The following MITF variants were observed in gnomAD, a reference collection of about 807,000 sequenced individuals.
The protein encoded by MITF is melanocyte inducing transcription factor, also known as microphthalmia-associated transcription factor.
In MITF, 17 loss-of-function variants were observed where a neutral mutation model predicts 60.5. That is an observed-to-expected ratio of 0.28 (90% CI 0.19 to 0.42). The LOEUF is 0.42. Among genes scored for constraint, MITF ranks in the 10% least tolerant of loss-of-function variants. MITF has a pLI of 1.00. For missense variants in MITF, 622 were observed against 683.5 expected (o/e 0.91, Z 1.00); for synonymous variants, 260 against 248.5 (o/e 1.05, Z -0.43).
At chr3:69,861,023 C>A (rs189122245) in intron 1 of MITF, among the ~76,000 whole-genome samples, 155 of 152,294 alleles carry the variant, frequency 1.0e-3, no homozygotes, top group African/African-American at 3.7e-3. Flanking sequence ...TTCAGTCATG[C>A]TGTGATGGTT....
rs2066725903 is a variant in MITF, at chr3:69,967,781, G to A, written c.*2533G>A. The A allele has an allele frequency of 4.3e-6, 1 of 232,950 alleles. No homozygotes were observed. Among genetic ancestry groups the A allele is most frequent in the African/African-American group, 2.2e-5 (1 of 45,318 alleles). 14.4% of individuals were successfully genotyped at this position (232,950 alleles called of 1,614,324 possible). Reference sequence around the variant, plus strand: ...GGGCTAGCTAAGCCAAGAGGCAGTGGTTTGGGCTTGTTGTTTGTAACAAGA... The same window carrying A: ...GGGCTAGCTAAGCCAAGAGGCAGTGATTTGGGCTTGTTGTTTGTAACAAGA... On this transcript the variant is annotated 3_prime_UTR_variant, in exon 10 of 10. Transcript: ENST00000352241.
chr3:69,947,808 T>C (rs2066137684), intron 5 of MITF, among the ~76,000 whole-genome samples: 1 of 152,114 alleles, frequency 6.6e-6, no homozygotes, highest in South Asian at 2.1e-4. Context: ...TAGCTAGGGG[T>C]TTAATTCATA....
chr3:69,782,410 C>T (rs562065003), intron 1 of MITF, among the ~76,000 whole-genome samples: 6 of 152,254 alleles, frequency 3.9e-5, no homozygotes, highest in Non-Finnish European at 5.9e-5. Context: ...TATGTGCTAG[C>T]GACTCTGCAT....
At chr3:69,859,637 C>T (rs1326642154) in intron 1 of MITF, among the ~76,000 whole-genome samples, 1 of 151,902 alleles carries the variant, frequency 6.6e-6, no homozygotes, top group Non-Finnish European at 1.5e-5. Flanking sequence ...ATTATAATAC[C>T]TTGACTCCTG....
chr3:69,875,247 G>A (rs961363845), intron 1 of MITF, among the ~76,000 whole-genome samples: 1 of 152,150 alleles, frequency 6.6e-6, no homozygotes, highest in African/African-American at 2.4e-5. Flanking sequence ...TGGCTTCAGT[G>A]ATGCCGATAC....
chr3:69,818,766 A>C (rs1331943728), intron 1 of MITF, among the ~76,000 whole-genome samples: 3 of 152,222 alleles, frequency 2.0e-5, no homozygotes, highest in Non-Finnish European at 4.4e-5. Context: ...GAATATTTTA[A>C]TGAACATTTT....
intron 2 of MITF, among the ~76,000 whole-genome samples, chr3:69,922,129 C>T (rs1003921885): frequency 6.6e-6 from 1 of 152,276 alleles, no homozygotes; most frequent in Non-Finnish European, 1.5e-5. Flanking sequence ...GTTGTAAGCC[C>T]CTTGATGATA....
At chr3:69,822,058 T>G (rs943144493) in intron 1 of MITF, among the ~76,000 whole-genome samples, 6 of 152,216 alleles carry the variant, frequency 3.9e-5, no homozygotes, top group African/African-American at 1.4e-4. Flanking sequence ...TGGATTTTCT[T>G]GATAGTCTCT....
intron 1 of MITF, among the ~76,000 whole-genome samples, chr3:69,832,415 G>A (rs1220584920): frequency 6.6e-6 from 1 of 152,192 alleles, no homozygotes; most frequent in African/African-American, 2.4e-5. Flanking sequence ...TCTACTATGT[G>A]TTAGACCTTG....
intron 1 of MITF, among the ~76,000 whole-genome samples, chr3:69,870,466 C>T (rs1478537821): frequency 1.5e-4 from 22 of 144,926 alleles, no homozygotes; most frequent in Non-Finnish European, 2.8e-4. Flanking sequence ...GACGGAATCT[C>T]GCTCTGTCAC....
chr3:69,826,365 T>G (rs2063354486), intron 1 of MITF, among the ~76,000 whole-genome samples: 1 of 152,222 alleles, frequency 6.6e-6, no homozygotes, highest in African/African-American at 2.4e-5. Context: ...GGAAATTGAT[T>G]CTTCCTCATT....
At chr3:69,836,439 G>A (rs947689011) in intron 1 of MITF, among the ~76,000 whole-genome samples, 1 of 152,182 alleles carries the variant, frequency 6.6e-6, no homozygotes, top group Admixed American at 6.5e-5. Flanking sequence ...TTAACCAGAT[G>A]TCTGGTAGGT....
chr3:69,936,901 G>A lies in MITF; in HGVS notation c.355-921G>A. 4 of 634,018 alleles carry A rather than the reference G, an allele frequency of 6.3e-6. No individual in the cohort carries two copies. In the South Asian group the frequency reaches 6.6e-5, roughly 10 times the overall value. The allele number at this position is 634,018 out of a possible 1,614,324, so 39.3% of individuals were successfully genotyped here. A position where few individuals can be genotyped will look rare whatever the true frequency, so the allele number is the denominator to read the frequency against. ...TGCTGTTTATTATTTGATGCCATAA[G>A]AAGTAATTCAATGTAGTTTTGAACA... On this transcript the variant is annotated intron_variant, in intron 2 of 9. Coordinates refer to ENST00000352241, the MANE Select transcript of MITF (RefSeq NM_001354604.2).
Position 69,780,563 on chromosome 3 carries a change from G to A in MITF, c.104+40862G>A, listed in dbSNP as rs894675660. Among the ~76,000 whole-genome samples the A allele has an allele frequency of 3.3e-5, 5 of 152,084 alleles. 1 individual carries two copies. Among genetic ancestry groups the A allele is most frequent in the African/African-American group, 7.2e-5 (3 of 41,410 alleles). The stretch of plus-strand genomic sequence containing the variant: ...GGGAGCAGTTTTCCTGGTCTAGCTT[G>A]GGGTCTCTCATGGAATTGCCATTAG... On this transcript the variant is annotated intron_variant, in intron 1 of 9. Coordinates refer to ENST00000352241, the MANE Select transcript of MITF (RefSeq NM_001354604.2).
intron 2 of MITF, among the ~76,000 whole-genome samples, chr3:69,884,206 C>T (rs547697194): frequency 3.3e-5 from 5 of 152,206 alleles, no homozygotes; most frequent in South Asian, 2.1e-4. Flanking sequence ...TGCCTACCAC[C>T]GCCTCCCTTC....
chr3:69,745,846 C>T (rs1559605249), intron 1 of MITF, among the ~76,000 whole-genome samples: 1 of 152,116 alleles, frequency 6.6e-6, no homozygotes, highest in African/African-American at 2.4e-5. Context: ...TAGAACCCAC[C>T]CCCTTAGGGT....
chr3:69,877,222 T>C (rs1232974020), intron 1 of MITF, among the ~76,000 whole-genome samples: 1 of 152,186 alleles, frequency 6.6e-6, no homozygotes, highest in Admixed American at 6.5e-5. Context: ...ATGGGACAAA[T>C]TTTTTATTAT....
intron 1 of MITF, among the ~76,000 whole-genome samples, chr3:69,783,437 ATG>A (rs1348168540): frequency 6.6e-6 from 1 of 151,124 alleles, no homozygotes. Context: ...AAGTGTTTGT[ATG>A]TGTGTGTGTG....
At chr3:69,793,149 A>G (rs2062769768) in intron 1 of MITF, among the ~76,000 whole-genome samples, 1 of 151,500 alleles carries the variant, frequency 6.6e-6, no homozygotes, top group Non-Finnish European at 1.5e-5. Flanking sequence ...GAGTAGCTGG[A>G]ACTATAGGCG....
Sources: gnomAD v4.1 joint callset for allele counts (sites outside exome capture counted in the v4.1 genomes callset) on GRCh38, gnomAD v4.1.1 for gene constraint, MANE v1.5 for transcripts, NCBI Gene and HGNC (gene_info 2026-07-23, HGNC 2026-07-21) for gene names.